Variants in RSPH1 observed in about 807,000 individuals in gnomAD.
RSPH1 encodes the protein radial spoke head 1 homolog.
RSPH1 carries 32 observed loss-of-function variants against 44.2 expected under a neutral mutation model. The observed-to-expected ratio is 0.72, with a 90% CI of 0.55 to 0.97. The LOEUF (loss-of-function observed/expected upper bound fraction) is 0.97, where lower values mean the gene tolerates loss of function less well. Among genes scored for constraint, RSPH1 ranks in the 50% least tolerant of loss-of-function variants. The pLI is 0.00. For missense variants in RSPH1, 391 were observed against 398.7 expected (o/e 0.98, Z 0.16); for synonymous variants, 134 against 147.3 (o/e 0.91, Z 0.65).
chr21:42,477,947 G>A (rs1199961969), intron 6 of RSPH1, among the ~76,000 whole-genome samples: 1 of 152,086 alleles, frequency 6.6e-6, no homozygotes, highest in East Asian at 1.9e-4. Context: ...TTTGTTTTAG[G>A]CTTAGGCCTA....
intron 8 of RSPH1, 34 bp downstream of exon 8, chr21:42,475,864 G>T: frequency 1.9e-6 from 3 of 1,604,922 alleles, no homozygotes; most frequent in Non-Finnish European, 2.5e-6. Flanking sequence ...CTAAGTGCGG[G>T]CCCTCGCCCC....
intron 1 of RSPH1, 190 bp downstream of exon 1, chr21:42,495,943 T>C: frequency 1.7e-6 from 1 of 602,980 alleles, no homozygotes; most frequent in Non-Finnish European, 3.0e-6. Context: ...CGTCACAGCG[T>C]TTCACTTTTC....
At chr21:42,496,073 C>T in intron 1 of RSPH1, 60 bp downstream of exon 1, 2 of 1,600,804 alleles carry the variant, frequency 1.2e-6, no homozygotes, top group Non-Finnish European at 1.7e-6. Context: ...CCAAACCCAA[C>T]CTCGAGGTTC....
At chr21:42,478,244 G>A (rs576580837) in intron 6 of RSPH1, among the ~76,000 whole-genome samples, 1 of 152,240 alleles carries the variant, frequency 6.6e-6, no homozygotes, top group African/African-American at 2.4e-5. Context: ...CTGCCACATA[G>A]GTGATAATAC....
rs1055039297 is a variant in RSPH1 at position 42,474,402 on chromosome 21, G to A, written c.877+1496C>T. ...ACCTCTCCTGGGTACATGGTAACAC[G>A]TCCCTGTCACTGCAGGGAACTCACT... On this transcript the variant is annotated intron_variant, in intron 8 of 8. Transcript: ENST00000291536. The surrounding 1 kb of genome is among the most constrained non-coding windows in gnomAD (Gnocchi z 5.2). Among the ~76,000 whole-genome samples, 72 of 151,618 alleles carry A rather than the reference G, an allele frequency of 4.7e-4. No individual in the cohort carries two copies. Among genetic ancestry groups the A allele is most frequent in the African/African-American group, 1.6e-3 (66 of 40,932 alleles).
chr21:42,479,564 G>A (rs2054104659), intron 6 of RSPH1, among the ~76,000 whole-genome samples: 1 of 152,160 alleles, frequency 6.6e-6, no homozygotes, highest in Non-Finnish European at 1.5e-5. Context: ...GTTATTACCA[G>A]TGCTGACAAG....
intron 6 of RSPH1, among the ~76,000 whole-genome samples, chr21:42,478,412 AC>A (rs979144745): frequency 2.0e-5 from 3 of 152,310 alleles, no homozygotes; most frequent in Admixed American, 2.0e-4. Flanking sequence ...GATCAGAATC[AC>A]CCAGAAAGCA....
At position 42,486,392 on chromosome 21, in the gene RSPH1, C is replaced by T. The variant is rs1263200400; in HGVS notation, c.344G>A (p.Gly115Glu). 1 of 1,613,724 alleles carries T rather than the reference C, an allele frequency of 6.2e-7. No individual in the cohort carries two copies. Among genetic ancestry groups the T allele is most frequent in the African/African-American group, 1.3e-5 (1 of 74,916 alleles). ...YYYINNDTYT[G>E]EWFAHQRHGQ... ...GAACCTTTGATGAGCAAACCACTCT[C>T]CAGTGTAGGTGTCATTATTGATGTA... The change falls in exon 4 of 9, where the codon GGA becomes GAA. Residue 115 changes from glycine (G) to glutamate (E), a missense_variant. Coordinates refer to ENST00000291536, the MANE Select transcript of RSPH1 (RefSeq NM_080860.4).
intron 6 of RSPH1, among the ~76,000 whole-genome samples, chr21:42,480,929 G>A (rs573644411): frequency 5.9e-5 from 9 of 152,200 alleles, no homozygotes; most frequent in East Asian, 3.9e-4. Context: ...ACGAGGAGTC[G>A]GTTTAAAGCA....
intron 7 of RSPH1, 135 bp downstream of exon 7, chr21:42,477,155 AC>A: frequency 2.0e-6 from 1 of 501,020 alleles, no homozygotes; most frequent in East Asian, 4.8e-5. Flanking sequence ...CCTCCACCCC[AC>A]AGCCCGGGGA....
chr21:42,478,416 A>G (rs2054093316), intron 6 of RSPH1, among the ~76,000 whole-genome samples: 1 of 152,248 alleles, frequency 6.6e-6, no homozygotes, highest in Non-Finnish European at 1.5e-5. Context: ...AGAATCACCC[A>G]GAAAGCATTA....
At chr21:42,488,519 T>C (rs2054202431) in intron 3 of RSPH1, among the ~76,000 whole-genome samples, 1 of 152,114 alleles carries the variant, frequency 6.6e-6, no homozygotes, top group African/African-American at 2.4e-5. Flanking sequence ...AATTATTACA[T>C]CCCTCCTCTC....
chr21:42,493,398 G>T (rs2054256045), intron 1 of RSPH1, among the ~76,000 whole-genome samples: 1 of 152,226 alleles, frequency 6.6e-6, no homozygotes, highest in East Asian at 1.9e-4. Context: ...AAAAATGCTA[G>T]ATACTCTAAG....
intron 8 of RSPH1, among the ~76,000 whole-genome samples, chr21:42,473,294 C>T (rs2054012159): frequency 6.6e-6 from 1 of 152,106 alleles, no homozygotes; most frequent in African/African-American, 2.4e-5. Context: ...AGTTCGAGAC[C>T]AGCCCGGCCA....
chr21:42,483,987 T>C (rs961542912), intron 5 of RSPH1, among the ~76,000 whole-genome samples: 8 of 133,908 alleles, frequency 6.0e-5, no homozygotes, highest in Non-Finnish European at 8.5e-5. Context: ...ATTTGCTTCA[T>C]TGGTGTGTGT....
chr21:42,485,681 G>A lies in RSPH1; in HGVS notation c.489C>T (p.Phe163=), dbSNP rs2054172760. The change falls in exon 5 of 9, where the codon TTC becomes TTT. Residue 163 remains phenylalanine (F), a synonymous_variant. Transcript: ENST00000291536. Reference sequence around the variant, plus strand: ...CCCATGGACTTACATTTTTGTTCAAGAACTTGCCCTGGTACCTGTGGTTCA... The same window carrying A: ...CCCATGGACTTACATTTTTGTTCAAAAACTTGCCCTGGTACCTGTGGTTCA... ...IHLNHRYQGK[F]LNKNPVGPGK... 1 of 1,614,058 alleles carries A rather than the reference G, an allele frequency of 6.2e-7. No individual in the cohort carries two copies. Among genetic ancestry groups the A allele is most frequent in the African/African-American group, 1.3e-5 (1 of 74,914 alleles).
At chr21:42,485,631 T>G in intron 5 of RSPH1, 38 bp downstream of exon 5, 1 of 1,613,198 alleles carries the variant, frequency 6.2e-7, no homozygotes, top group Non-Finnish European at 8.5e-7. Context: ...GGGGTTATTT[T>G]GTACTTCATT....
chr21:42,481,541 C>T (rs558883238), intron 6 of RSPH1, among the ~76,000 whole-genome samples: 13 of 152,146 alleles, frequency 8.5e-5, no homozygotes, highest in Admixed American at 1.3e-4. Flanking sequence ...AGTTTGTGTA[C>T]GATAATATAT....
At chr21:42,480,742 C>A (rs914611314) in intron 6 of RSPH1, among the ~76,000 whole-genome samples, 56 of 151,064 alleles carry the variant, frequency 3.7e-4, no homozygotes, top group Non-Finnish European at 1.0e-4. Flanking sequence ...AAGGCCAGGG[C>A]CCTTGGGGTG....
Sources: allele counts gnomAD v4.1 joint callset (sites outside exome capture counted in the v4.1 genomes callset), GRCh38; gene constraint gnomAD v4.1.1; non-coding constraint Gnocchi (gnomAD v3.1); transcripts MANE v1.5; gene names NCBI Gene and HGNC (gene_info 2026-07-23, HGNC 2026-07-21).